KCNIP4: variants seen among roughly 807,000 people sequenced by gnomAD.
KCNIP4 encodes Kv channel-interacting protein 4.
KCNIP4 carries 12 observed loss-of-function variants against 34.0 expected under a neutral mutation model. The observed-to-expected ratio is 0.35, with a 90% CI of 0.23 to 0.57. The LOEUF (loss-of-function observed/expected upper bound fraction) is 0.57, where lower values mean the gene tolerates loss of function less well. Among genes scored for constraint, KCNIP4 ranks in the 20% least tolerant of loss-of-function variants. The pLI is 0.83. For synonymous variants in KCNIP4, 124 were observed against 102.2 expected (o/e 1.21, Z -1.29); for missense variants, 238 against 311.7 (o/e 0.76, Z 1.78).
At chr4:20,890,550 TA>T (rs1229539193) in intron 1 of KCNIP4, among the ~76,000 whole-genome samples, 1 of 152,194 alleles carries the variant, frequency 6.6e-6, no homozygotes, top group Non-Finnish European at 1.5e-5. Context: ...TTTATTAAGT[TA>T]ATGTTTATTG....
At chr4:21,652,358 C>T (rs1747563408) in intron 1 of KCNIP4, among the ~76,000 whole-genome samples, 2 of 152,128 alleles carry the variant, frequency 1.3e-5, no homozygotes, top group South Asian at 4.1e-4. Flanking sequence ...CTTTTGGTAC[C>T]ATTTTGATGA....
At chr4:21,675,154 T>A (rs184360801) in intron 1 of KCNIP4, among the ~76,000 whole-genome samples, 170 of 152,212 alleles carry the variant, frequency 1.1e-3, no homozygotes, top group African/African-American at 3.7e-3. Flanking sequence ...ACATCAATAA[T>A]GAAACAGAGA....
intron 1 of KCNIP4, among the ~76,000 whole-genome samples, chr4:20,952,790 T>G (rs1732913669): frequency 1.5e-4 from 1 of 6,568 alleles, no homozygotes. Context: ...AATAAAATAT[T>G]TTTTTGAATA....
In KCNIP4 at chr4:20,802,919, C is replaced by CA. The variant is rs1476266498; in HGVS notation, c.289-44030dup. On this transcript the variant is annotated intron_variant, in intron 3 of 8. Coordinates refer to ENST00000382152, the MANE Select transcript of KCNIP4 (RefSeq NM_025221.6). ...TGAAACCCCGTCTCTACTAAAAATA[C>CA]AAAAAATTTGCCGGGCGTGGTGGCA... 2.0e-5 allele frequency among the ~76,000 whole-genome samples: 3 copies of CA among 151,460 alleles called. No individual in the cohort carries two copies. In the South Asian group the frequency reaches 6.2e-4, roughly 32 times the overall value.
intron 2 of KCNIP4, among the ~76,000 whole-genome samples, chr4:20,851,825 C>T (rs1721058306): frequency 6.6e-6 from 1 of 152,160 alleles, no homozygotes; most frequent in African/African-American, 2.4e-5. Flanking sequence ...GTTTTGTGCC[C>T]TATGTAAAAT....
At chr4:20,969,681 A>T (rs991682128) in intron 1 of KCNIP4, among the ~76,000 whole-genome samples, 2 of 152,164 alleles carry the variant, frequency 1.3e-5, no homozygotes, top group East Asian at 3.9e-4. Flanking sequence ...CACACAGATA[A>T]TTCATTACAT....
chr4:21,750,356 A>T (rs879646520), intron 1 of KCNIP4, among the ~76,000 whole-genome samples: 4 of 152,192 alleles, frequency 2.6e-5, no homozygotes, highest in Non-Finnish European at 5.9e-5. Flanking sequence ...AATAAAGAAC[A>T]CAAAAACTTA....
intron 1 of KCNIP4, among the ~76,000 whole-genome samples, chr4:21,552,101 T>C (rs1454793171): frequency 6.6e-6 from 1 of 151,818 alleles, no homozygotes; most frequent in East Asian, 1.9e-4. Flanking sequence ...ATATAGATCT[T>C]ATTTTCAACA....
At chr4:21,629,342 T>C (rs141183409) in intron 1 of KCNIP4, among the ~76,000 whole-genome samples, 2 of 152,328 alleles carry the variant, frequency 1.3e-5, no homozygotes, top group East Asian at 3.9e-4. Flanking sequence ...CTGAAGCTAA[T>C]GTACAAGAAA....
At chr4:21,077,687 T>G (rs1745614283) in intron 1 of KCNIP4, among the ~76,000 whole-genome samples, 1 of 152,164 alleles carries the variant, frequency 6.6e-6, no homozygotes, top group Non-Finnish European at 1.5e-5. Context: ...CAAGAATTAA[T>G]TAGCTCATAT....
At chr4:21,259,212 T>A (rs1761290099) in intron 1 of KCNIP4, among the ~76,000 whole-genome samples, 1 of 152,222 alleles carries the variant, frequency 6.6e-6, no homozygotes, top group Non-Finnish European at 1.5e-5. Context: ...TATGAACTAC[T>A]TTCCCACTCC....
chr4:21,137,219 T>A (rs1751568067), intron 1 of KCNIP4, among the ~76,000 whole-genome samples: 1 of 152,130 alleles, frequency 6.6e-6, no homozygotes, highest in Non-Finnish European at 1.5e-5. Flanking sequence ...ACACCACCAG[T>A]GCACTGGAAG....
chr4:21,882,597 A>G (rs1400669385), intron 1 of KCNIP4, among the ~76,000 whole-genome samples: 3 of 152,138 alleles, frequency 2.0e-5, no homozygotes, highest in Non-Finnish European at 4.4e-5. Context: ...AAGAAACGGA[A>G]GCATGTAGGA....
intron 1 of KCNIP4, among the ~76,000 whole-genome samples, chr4:21,924,170 T>C (rs1729098220): frequency 6.6e-6 from 1 of 152,178 alleles, no homozygotes; most frequent in African/African-American, 2.4e-5. Context: ...ATAAACTCCT[T>C]TAACTGAATA....
intron 3 of KCNIP4, among the ~76,000 whole-genome samples, chr4:20,784,210 A>G (rs565293734): frequency 6.6e-6 from 1 of 152,332 alleles, no homozygotes; most frequent in African/African-American, 2.4e-5. Flanking sequence ...AATTAATCCC[A>G]GAACATTAGT....
At chr4:21,775,298 C>T (rs1239136058) in intron 1 of KCNIP4, among the ~76,000 whole-genome samples, 1 of 152,128 alleles carries the variant, frequency 6.6e-6, no homozygotes, top group Non-Finnish European at 1.5e-5. Context: ...GGAGAGGTCA[C>T]TCAAGGAGGC....
chr4:21,344,171 C>A (rs972370960), intron 1 of KCNIP4, among the ~76,000 whole-genome samples: 2 of 152,136 alleles, frequency 1.3e-5, no homozygotes, highest in Non-Finnish European at 2.9e-5. Context: ...TAACCACAGA[C>A]CCTGATAAGT....
rs766583276 is a variant in KCNIP4, at chr4:20,858,530, A to G, written c.164-7863T>C. On this transcript the variant is annotated intron_variant, in intron 2 of 8. Transcript: ENST00000382152. ...GGGCAGTTTGCTAGCCAATTATGTC[A>G]TTTAATCTTCACAACATCTTTCAAG... is the stretch of plus-strand genomic sequence containing the variant. Among the ~76,000 whole-genome samples the G allele has an allele frequency of 9.2e-5, 14 of 152,290 alleles. No homozygotes were observed. The South Asian group carries it at 2.1e-3, about 23-fold the overall frequency.
In KCNIP4 at chr4:21,601,360, T is replaced by C. The variant is rs191727810; in HGVS notation, c.61+347211A>G. Among the ~76,000 whole-genome samples the C allele has an allele frequency of 2.3e-3, 354 of 152,136 alleles. 1 individual carries two copies. The highest frequency in any genetic ancestry group is 8.2e-3 in the African/African-American group (339 of 41,538). On this transcript the variant is annotated intron_variant, in intron 1 of 8. Coordinates refer to ENST00000382152, the MANE Select transcript of KCNIP4 (RefSeq NM_025221.6). ...CCCAACTAATCTCCATCTCATTCCA[T>C]GTATATAATCAAAATTAATATATAT...
Sources: gnomAD v4.1 joint callset for allele counts (sites outside exome capture counted in the v4.1 genomes callset) on GRCh38, gnomAD v4.1.1 for gene constraint, MANE v1.5 for transcripts, NCBI Gene and HGNC (gene_info 2026-07-23, HGNC 2026-07-21) for gene names.